FRMPD2: variants seen among roughly 807,000 people sequenced by gnomAD.
FRMPD2 encodes FERM and PDZ domain containing 2.
FRMPD2 carries 96 observed loss-of-function variants against 140.1 expected under a neutral mutation model. The ratio of observed to expected loss-of-function variants is 0.69; its 90% CI spans 0.58 to 0.81. The LOEUF is 0.81. Among genes scored for constraint, FRMPD2 ranks in the 40% least tolerant of loss-of-function variants. FRMPD2 has a pLI of 0.00. For missense variants in FRMPD2, 1,240 were observed against 1,447.4 expected (o/e 0.86, Z 2.32); for synonymous variants, 449 against 547.6 (o/e 0.82, Z 2.52).
At chr10:48,159,144 G>A in intron 28 of FRMPD2, 1 of 456,216 alleles carries the variant, frequency 2.2e-6, no homozygotes, top group Non-Finnish European at 4.4e-6. Context: ...GCCCCATATT[G>A]AGGTCTCCAT....
Position 48,244,857 on chromosome 10 carries a change from A to G in FRMPD2, c.310-8T>C. The G allele has an allele frequency of 7.5e-6, 12 of 1,595,430 alleles. No individual in the cohort carries two copies. The highest frequency in any genetic ancestry group is 2.2e-5 in the East Asian group (1 of 44,806). On this transcript the variant is annotated splice_region_variant and splice_polypyrimidine_tract_variant and intron_variant, in intron 3 of 28. Coordinates refer to ENST00000374201, the MANE Select transcript of FRMPD2 (RefSeq NM_001018071.4). ...TAAAGAATAGACATGCATCTGCCCA[A>G]AAGAAGAGTACATGATTAGATTTCA...
chr10:48,250,977 A>G (rs550436944), intron 2 of FRMPD2, among the ~76,000 whole-genome samples: 2 of 137,808 alleles, frequency 1.5e-5, no homozygotes, highest in African/African-American at 3.3e-5. Flanking sequence ...TTTTTTTTGT[A>G]TTTTTAATAG....
intron 1 of FRMPD2, among the ~76,000 whole-genome samples, chr10:48,272,059 T>C (rs1329202845): frequency 1.3e-5 from 2 of 152,228 alleles, no homozygotes; most frequent in African/African-American, 4.8e-5. Flanking sequence ...GGTAGCATTG[T>C]CCTGGGCTGC....
At chr10:48,182,954 G>GC (rs550674234) in intron 20 of FRMPD2, among the ~76,000 whole-genome samples, 90 of 152,330 alleles carry the variant, frequency 5.9e-4, no homozygotes, top group Non-Finnish European at 9.4e-4. Flanking sequence ...CAGACAGCAA[G>GC]CCAGAGACTG....
intron 14 of FRMPD2, among the ~76,000 whole-genome samples, chr10:48,202,788 AT>A (rs1406123165): frequency 3.3e-5 from 5 of 152,138 alleles, no homozygotes; most frequent in African/African-American, 4.8e-5. Flanking sequence ...GATATTAAGC[AT>A]TTTTTATATG....
At chr10:48,215,858 A>G (rs1263646728) in intron 12 of FRMPD2, among the ~76,000 whole-genome samples, 1 of 152,194 alleles carries the variant, frequency 6.6e-6, no homozygotes, top group Admixed American at 6.5e-5. Context: ...TGACTGGGCC[A>G]TGGGGTGCCC....
At chr10:48,159,400 TA>T (rs1837873884) in intron 28 of FRMPD2, among the ~76,000 whole-genome samples, 1 of 151,362 alleles carries the variant, frequency 6.6e-6, no homozygotes, top group Admixed American at 6.6e-5. Flanking sequence ...CTGTAAGGTG[TA>T]AAGAGAATCC....
At chr10:48,223,527 T>C (rs1226464799) in intron 10 of FRMPD2, among the ~76,000 whole-genome samples, 1 of 152,176 alleles carries the variant, frequency 6.6e-6, no homozygotes, top group Non-Finnish European at 1.5e-5. Flanking sequence ...AGTTATCTTA[T>C]CTTACAAGAT....
At chr10:48,172,710 G>A (rs1368256209) in intron 25 of FRMPD2, among the ~76,000 whole-genome samples, 1 of 152,018 alleles carries the variant, frequency 6.6e-6, no homozygotes, top group East Asian at 1.9e-4. Flanking sequence ...ACTGAGGAAG[G>A]CTGGGGGCAG....
intron 10 of FRMPD2, 112 bp downstream of exon 10, chr10:48,232,003 G>T: frequency 1.1e-6 from 1 of 916,274 alleles, no homozygotes; most frequent in Non-Finnish European, 1.8e-6. Context: ...GCATACAAAG[G>T]GAGGCACCCA....
At chr10:48,172,411 C>T (rs1163303244) in intron 25 of FRMPD2, among the ~76,000 whole-genome samples, 10 of 151,934 alleles carry the variant, frequency 6.6e-5, no homozygotes, top group African/African-American at 2.4e-4. Context: ...TCAGCGTGTT[C>T]CTGGCAAATA....
chr10:48,183,518 C>T (rs749044596), intron 20 of FRMPD2, among the ~76,000 whole-genome samples: 4 of 152,096 alleles, frequency 2.6e-5, no homozygotes, highest in Non-Finnish European at 4.4e-5. Flanking sequence ...CAGGAACATG[C>T]ACATCAAGTA....
intron 15 of FRMPD2, among the ~76,000 whole-genome samples, chr10:48,196,668 C>T (rs1229163310): frequency 6.6e-6 from 1 of 152,190 alleles, no homozygotes; most frequent in African/African-American, 2.4e-5. Flanking sequence ...GGACCATCAG[C>T]TGGAGGCGGT....
chr10:48,177,683 G>A (rs1239744295), intron 22 of FRMPD2: 1 of 196,992 alleles, frequency 5.1e-6, no homozygotes, highest in Non-Finnish European at 1.1e-5. Context: ...CCCATCCTTG[G>A]CCAGATGACA....
intron 14 of FRMPD2, among the ~76,000 whole-genome samples, chr10:48,205,452 TA>T (rs1839181012): frequency 6.6e-6 from 1 of 152,236 alleles, no homozygotes; most frequent in South Asian, 2.1e-4. Flanking sequence ...AAATCCATTT[TA>T]AAAAATTACT....
chr10:48,240,535 A>C, intron 5 of FRMPD2, 43 bp from the exon 6 acceptor site: 2 of 1,609,720 alleles, frequency 1.2e-6, no homozygotes, highest in Non-Finnish European at 1.7e-6. Flanking sequence ...CAAGATAAGG[A>C]GGGGGCGTTT....
intron 1 of FRMPD2, among the ~76,000 whole-genome samples, chr10:48,254,618 C>T (rs1465605): frequency 0.12 from 18,653 of 152,276 alleles, 3,822 homozygotes; most frequent in African/African-American, 0.42. Flanking sequence ...CTTCCTTGAA[C>T]GACAATACAC....
intron 1 of FRMPD2, among the ~76,000 whole-genome samples, chr10:48,261,652 A>G (rs1360874868): frequency 6.6e-6 from 1 of 152,174 alleles, no homozygotes; most frequent in African/African-American, 2.4e-5. Context: ...AGAAATTTTA[A>G]AAGTTCTTCA....
At chr10:48,254,904 C>A (rs1353736196) in intron 1 of FRMPD2, among the ~76,000 whole-genome samples, 1 of 152,214 alleles carries the variant, frequency 6.6e-6, no homozygotes, top group African/African-American at 2.4e-5. Flanking sequence ...ATGAAATAGT[C>A]ATTAGCCTTT....
Sources: allele counts gnomAD v4.1 joint callset (sites outside exome capture counted in the v4.1 genomes callset), GRCh38; gene constraint gnomAD v4.1.1; transcripts MANE v1.5; gene names NCBI Gene and HGNC (gene_info 2026-07-23, HGNC 2026-07-21).